ZNF780A: variants seen among roughly 807,000 people sequenced by gnomAD.
The protein encoded by ZNF780A is zinc finger protein 780A.
In ZNF780A, 40 loss-of-function variants were observed where a neutral mutation model predicts 56.7. The observed-to-expected ratio is 0.71, with a 90% CI of 0.55 to 0.92. ZNF780A has a LOEUF of 0.92. Among genes scored for constraint, ZNF780A ranks in the 40% least tolerant of loss-of-function variants. The pLI is 0.00. For missense variants in ZNF780A, 672 were observed against 783.3 expected (o/e 0.86, Z 1.70); for synonymous variants, 231 against 248.3 (o/e 0.93, Z 0.66).
At chr19:40,089,631 C>A (rs747658928) in intron 2 of ZNF780A, among the ~76,000 whole-genome samples, 1 of 152,016 alleles carries the variant, frequency 6.6e-6, no homozygotes, top group Admixed American at 6.5e-5. Flanking sequence ...CACACACACA[C>A]ACACACACAC....
chr19:40,074,932 T>C lies in ZNF780A; in HGVS notation c.1510A>G (p.Lys504Glu). 1 of 1,614,206 alleles carries C rather than the reference T, an allele frequency of 6.2e-7. No homozygotes were observed. Among genetic ancestry groups the C allele is most frequent in the Non-Finnish European group, 8.5e-7 (1 of 1,180,018 alleles). The change falls in exon 6 of 6, where the codon AAG becomes GAG. Residue 504 changes from lysine (K) to glutamate (E), a missense_variant. Physicochemically the swap from Lys to Glu is moderately conservative, Grantham distance 56. Coordinates refer to ENST00000683561, the MANE Select transcript of ZNF780A (RefSeq NM_001142578.2). ...AGTCTAAAAGCCTTCCCACACTCCT[T>C]ACATTCATAGGGCTTCTCACCAGTG... is the stretch of plus-strand genomic sequence containing the variant. ...IHTGEKPYEC[K>E]ECGKAFRLYL...
downstream of ZNF780A, chr19:40,071,090 T>C (rs1177585036): frequency 6.6e-6 from 1 of 152,166 alleles, no homozygotes; most frequent in Non-Finnish European, 1.5e-5. Context: ...TGATTATAGA[T>C]ACAATTAAAT....
At chr19:40,078,164 T>C (rs73040573) in intron 5 of ZNF780A, among the ~76,000 whole-genome samples, 11,396 of 151,202 alleles carry the variant, frequency 0.075, 454 homozygotes, top group African/African-American at 0.081. Context: ...ATAAAATACA[T>C]TCAAAATCTT....
At chr19:40,086,014 G>A (rs1974779193) in intron 2 of ZNF780A, among the ~76,000 whole-genome samples, 1 of 151,194 alleles carries the variant, frequency 6.6e-6, no homozygotes, top group Admixed American at 6.6e-5. Flanking sequence ...GTGTGTGTGT[G>A]TATGCATCTC....
At chr19:40,087,459 T>C (rs1974876922) in intron 2 of ZNF780A, among the ~76,000 whole-genome samples, 1 of 152,198 alleles carries the variant, frequency 6.6e-6, no homozygotes, top group Non-Finnish European at 1.5e-5. Flanking sequence ...CCAAACCTCA[T>C]GGGTCACATA....
Position 40,074,800 on chromosome 19 carries a change from G to C in ZNF780A, c.1642C>G (p.Arg548Gly). The change falls in exon 6 of 6, where the codon CGA (arginine) becomes GGA (glycine). Residue 548 changes from arginine to glycine, a missense_variant. Coordinates refer to ENST00000683561, the MANE Select transcript of ZNF780A (RefSeq NM_001142578.2). ...GGTTTCTTTCCAGTATGAATACTTC[G>C]ATGTTGATTAAGATTTGAACCACGA... Reference protein sequence around the residue: ...FRRGSNLNQHRSIHTGKKPFE... With the variant: ...FRRGSNLNQHGSIHTGKKPFE... The C allele has an allele frequency of 1.2e-6, 2 of 1,613,988 alleles. No individual in the cohort carries two copies. The highest frequency in any genetic ancestry group is 1.1e-5 in the South Asian group (1 of 91,060).
At chr19:40,071,482 A>AC (rs1973816467), downstream of ZNF780A, 1 of 152,230 alleles carries the variant, frequency 6.6e-6, no homozygotes, top group South Asian at 2.1e-4. Flanking sequence ...GCCTTATCAC[A>AC]CAAGTTGACT....
rs983701530 is a variant in ZNF780A, at chr19:40,085,135, C to T, written c.-45-337G>A. On this transcript the variant is annotated intron_variant, in intron 2 of 5. Transcript: ENST00000683561. ...TTGGCCTAGGTCTGGACCTCTGATC[C>T]TGCCCTTAGCAGATCCTCCTCCCCC... is the stretch of plus-strand genomic sequence containing the variant. 3.0e-6 allele frequency: 3 copies of T among 985,100 alleles called. No homozygotes were observed. In the African/African-American group the frequency reaches 5.2e-5, roughly 17 times the overall value. 61.0% of individuals were successfully genotyped at this position (985,100 alleles called of 1,614,324 possible).
chr19:40,085,465 T>C, intron 2 of ZNF780A: 1 of 492,902 alleles, frequency 2.0e-6, no homozygotes, highest in Non-Finnish European at 2.6e-6. Flanking sequence ...TTGTAAAATA[T>C]ATGTATATAG....
chr19:40,080,133 T>C (rs1974388112), intron 5 of ZNF780A, among the ~76,000 whole-genome samples: 1 of 151,996 alleles, frequency 6.6e-6, no homozygotes, highest in Non-Finnish European at 1.5e-5. Context: ...AACAGGCCAA[T>C]GAGTAATGAG....
At position 40,075,205 on chromosome 19, in the gene ZNF780A, C is replaced by G. The variant is rs775299238; in HGVS notation, c.1237G>C (p.Gly413Arg). Residue 413 changes from glycine (G) to arginine (R), a missense_variant, in exon 6 of 6, where the codon GGT (glycine) becomes CGT (arginine). Physicochemically the swap from Gly to Arg is moderately radical, Grantham distance 125 (BLOSUM62 -2). Coordinates refer to ENST00000683561, the MANE Select transcript of ZNF780A (RefSeq NM_001142578.2). ...NLVQHQSIHA[G>R]IKPYECKECG... ...TCCTTACATTCATATGGTTTTATAC[C>G]AGCATGAATACTCTGATGTTGAACA... 1 of 1,613,018 alleles carries G rather than the reference C, an allele frequency of 6.2e-7. No homozygotes were observed. The highest frequency in any genetic ancestry group is 1.1e-5 in the South Asian group (1 of 91,018).
At chr19:40,072,153 AC>A, downstream of ZNF780A, 1 of 240,422 alleles carries the variant, frequency 4.2e-6, no homozygotes, top group Non-Finnish European at 8.3e-6. Context: ...TCTACCGCGG[AC>A]CCCTGGACCG....
At position 40,074,417 on chromosome 19, in the gene ZNF780A, C is replaced by T. The variant is rs1973953318; in HGVS notation, c.*99G>A. Reference sequence around the variant, plus strand: ...GTTTGAACCACAAATGAAGCCTTTCCCACACCCCTTACATTCACATGGTTT... The same window carrying T: ...GTTTGAACCACAAATGAAGCCTTTCTCACACCCCTTACATTCACATGGTTT... On this transcript the variant is annotated 3_prime_UTR_variant, in exon 6 of 6. Coordinates refer to ENST00000683561, the MANE Select transcript of ZNF780A (RefSeq NM_001142578.2). 9 of 1,560,426 alleles carry T rather than the reference C, an allele frequency of 5.8e-6. No homozygotes were observed. In the South Asian group the frequency reaches 1.1e-4, roughly 19 times the overall value.
At chr19:40,077,176 C>T (rs1254533229) in intron 5 of ZNF780A, among the ~76,000 whole-genome samples, 3 of 152,124 alleles carry the variant, frequency 2.0e-5, no homozygotes, top group Non-Finnish European at 2.9e-5. Context: ...CCACTGCCAC[C>T]ACCAGAGCCC....
intron 5 of ZNF780A, among the ~76,000 whole-genome samples, chr19:40,076,684 G>T (rs757411132): frequency 8.5e-5 from 13 of 152,116 alleles, no homozygotes; most frequent in African/African-American, 3.1e-4. Context: ...GAACCAGCAC[G>T]TACAACTGGG....
downstream of ZNF780A, chr19:40,071,082 A>G (rs1238663119): frequency 6.6e-6 from 1 of 152,204 alleles, no homozygotes; most frequent in African/African-American, 2.4e-5. Context: ...TTTACCTATG[A>G]TTATAGATAC....
intron 5 of ZNF780A, among the ~76,000 whole-genome samples, chr19:40,076,808 A>T (rs1021661514): frequency 2.0e-5 from 3 of 152,150 alleles, no homozygotes; most frequent in African/African-American, 7.2e-5. Context: ...CTAAGCACTC[A>T]TCACAGAGGC....
rs73549807 is a variant in ZNF780A at position 40,073,632 on chromosome 19, T to G, written c.*884A>C. On this transcript the variant is annotated 3_prime_UTR_variant, in exon 6 of 6. Transcript: ENST00000683561. ...CTCACAAGAATTATCTTCTCCGAAC[T>G]CTAAGGTATTTAGTGTGGCTATAAA... 1 of 985,832 alleles carries G rather than the reference T, an allele frequency of 1.0e-6. No individual in the cohort carries two copies. Among genetic ancestry groups the G allele is most frequent in the African/African-American group, 1.7e-5 (1 of 57,234 alleles). The allele number at this position is 985,832 out of a possible 1,614,324, so 61.1% of individuals were successfully genotyped here.
Position 40,074,132 on chromosome 19 carries a change from T to C in ZNF780A, c.*384A>G, listed in dbSNP as rs892543187. 5.1e-6 allele frequency: 7 copies of C among 1,359,488 alleles called. No homozygotes were observed. The African/African-American group carries it at 7.4e-5, about 14-fold the overall frequency. 84.2% of individuals were successfully genotyped at this position (1,359,488 alleles called of 1,614,324 possible). ...TCTCACCAGTATGAATACTCTGATG[T>C]TGAACAAGGTTTGAGCCACTATTGA... On this transcript the variant is annotated 3_prime_UTR_variant, in exon 6 of 6. Coordinates refer to ENST00000683561, the MANE Select transcript of ZNF780A (RefSeq NM_001142578.2).
Sources: allele counts gnomAD v4.1 joint callset (sites outside exome capture counted in the v4.1 genomes callset), GRCh38; gene constraint gnomAD v4.1.1; transcripts MANE v1.5; gene names NCBI Gene and HGNC (gene_info 2026-07-23, HGNC 2026-07-21).